The following ANO1 variants were observed in gnomAD, a reference collection of about 807,000 sequenced individuals.
ANO1 encodes anoctamin 1.
ANO1 carries 59 observed loss-of-function variants against 124.0 expected under a neutral mutation model. The ratio of observed to expected loss-of-function variants is 0.48; its 90% CI spans 0.39 to 0.59. ANO1 has a LOEUF of 0.59. Among genes scored for constraint, ANO1 ranks in the 20% least tolerant of loss-of-function variants. The pLI, the probability that ANO1 is intolerant of heterozygous loss-of-function variation, is 0.00. For synonymous variants in ANO1, 529 were observed against 532.0 expected (o/e 0.99, Z 0.08); for missense variants, 1,059 against 1,328.0 (o/e 0.80, Z 3.15).
At position 70,126,159 on chromosome 11, in the gene ANO1, T is replaced by C; in HGVS notation, c.1061T>C (p.Leu354Pro). 6.2e-7 allele frequency: 1 copy of C among 1,613,612 alleles called. No homozygotes were observed. The highest frequency in any genetic ancestry group is 1.1e-5 in the South Asian group (1 of 90,954). The change falls in exon 10 of 26, where the codon CTG becomes CCG. Residue 354 changes from leucine to proline, a missense_variant. Transcript: ENST00000355303. ...PASIVGIIVFLYGCATMDENI... is the reference protein window; with the variant it reads ...PASIVGIIVFPYGCATMDENI... ...TCCATCGTGGGAATCATTGTCTTCCTGTACGGATGCGCCACCATGGATGAA... is the reference window on the plus strand; with the variant it reads ...TCCATCGTGGGAATCATTGTCTTCCCGTACGGATGCGCCACCATGGATGAA...
chr11:70,029,975 C>T (rs1182852915), intron 1 of ANO1, among the ~76,000 whole-genome samples: 1 of 152,222 alleles, frequency 6.6e-6, no homozygotes, highest in African/African-American at 2.4e-5. Flanking sequence ...GTCAAGAGGG[C>T]ACTCCCCTCT....
chr11:70,102,169 G>C (rs1056094149), intron 2 of ANO1, among the ~76,000 whole-genome samples: 3 of 152,232 alleles, frequency 2.0e-5, no homozygotes, highest in African/African-American at 7.2e-5. Context: ...CCGATTAAGA[G>C]TGGGGAGTCA....
intron 19 of ANO1, among the ~76,000 whole-genome samples, chr11:70,164,995 T>A (rs1555049056): frequency 6.6e-6 from 1 of 152,100 alleles, no homozygotes; most frequent in Non-Finnish European, 1.5e-5. Context: ...CCCACAGACT[T>A]AAAGTAACAG....
intron 1 of ANO1, among the ~76,000 whole-genome samples, chr11:70,026,216 GTGA>G (rs1261181544): frequency 1.4e-5 from 2 of 146,930 alleles, no homozygotes; most frequent in African/African-American, 5.0e-5. Flanking sequence ...GGTGCTGATG[GTGA>G]TGATGACAGT....
rs957805055 is a variant in ANO1, at chr11:70,067,317, G to A, written c.59-11225G>A. On this transcript the variant is annotated intron_variant, in intron 1 of 27. Coordinates refer to the ANO1 transcript ENST00000531349. ...AGCAGCTCCAAGGGGACAAGGAATC[G>A]TGGGTGTTTTTTTTTTTTTTTTTTT... Among the ~76,000 whole-genome samples the A allele has an allele frequency of 9.3e-5, 13 of 140,434 alleles. No homozygotes were observed. The East Asian group carries it at 2.7e-3, about 29-fold the overall frequency. 92.1% of individuals were successfully genotyped at this position (140,434 alleles called of 152,430 possible).
intron 1 of ANO1, among the ~76,000 whole-genome samples, chr11:70,039,292 C>G (rs1555004783): frequency 6.6e-6 from 1 of 152,186 alleles, no homozygotes; most frequent in Admixed American, 6.5e-5. Context: ...TGATTAAGTA[C>G]TGTTGCTTTC....
intron 5 of ANO1, among the ~76,000 whole-genome samples, chr11:70,107,194 A>G (rs1404109753): frequency 1.3e-5 from 2 of 152,166 alleles, no homozygotes; most frequent in Non-Finnish European, 2.9e-5. Flanking sequence ...TCCTTCCTTC[A>G]TTCAGCAGGG....
intron 1 of ANO1, among the ~76,000 whole-genome samples, chr11:69,993,343 A>G (rs1194883151): frequency 6.6e-6 from 1 of 152,218 alleles, no homozygotes; most frequent in Non-Finnish European, 1.5e-5. Context: ...AAGTCTGAAC[A>G]TGGTGGAAAT....
rs569152581 is a variant in ANO1 at position 70,066,841 on chromosome 11, C to G, written c.59-11701C>G. Among the ~76,000 whole-genome samples the G allele has an allele frequency of 2.6e-5, 4 of 152,306 alleles. No homozygotes were observed. The East Asian group carries it at 7.7e-4, about 29-fold the overall frequency. ...ACCAGTCAGCCCCAGGAGGGACACT[C>G]TGCCCCGGCCTGGTTGCTGCCAGCC... is the stretch of plus-strand genomic sequence containing the variant. On this transcript the variant is annotated intron_variant, in intron 1 of 27. Transcript: ENST00000531349.
At chr11:70,026,876 T>G (rs1555003295) in intron 1 of ANO1, among the ~76,000 whole-genome samples, 1 of 152,190 alleles carries the variant, frequency 6.6e-6, no homozygotes, top group South Asian at 2.1e-4. Flanking sequence ...CCACCCACAC[T>G]GGCCACCTTA....
intron 1 of ANO1, among the ~76,000 whole-genome samples, chr11:70,036,018 A>G (rs1386984506): frequency 6.6e-6 from 1 of 152,224 alleles, no homozygotes; most frequent in Non-Finnish European, 1.5e-5. Flanking sequence ...AGAATTATTT[A>G]TCATCCTTTG....
chr11:70,164,070 G>A (rs1004394371), intron 19 of ANO1, among the ~76,000 whole-genome samples: 1 of 151,934 alleles, frequency 6.6e-6, no homozygotes, highest in Non-Finnish European at 1.5e-5. Context: ...TCTGCCCAGC[G>A]ATCCTGGCCA....
At position 70,131,330 on chromosome 11, in the gene ANO1, T is replaced by C. The variant is rs563980713; in HGVS notation, c.1098-589T>C. Among the ~76,000 whole-genome samples the C allele has an allele frequency of 3.8e-3, 566 of 150,214 alleles. 5 individuals are homozygous for C. The highest frequency in any genetic ancestry group is 0.013 in the African/African-American group (506 of 39,982). On this transcript the variant is annotated intron_variant, in intron 10 of 25. Coordinates refer to ENST00000355303, the MANE Select transcript of ANO1 (RefSeq NM_018043.7). The stretch of plus-strand genomic sequence containing the variant: ...GTGTGTGTGTGTGTGTGTGTGTGTG[T>C]GTGCGCGTCTGTGTTGAGATGGAGT...
chr11:70,036,712 A>G (rs930655882), intron 1 of ANO1, among the ~76,000 whole-genome samples: 32 of 152,178 alleles, frequency 2.1e-4, no homozygotes, highest in African/African-American at 7.0e-4. Flanking sequence ...GGTTCATGCC[A>G]TTCTCCTGCC....
chr11:70,088,840 TG>T (rs1468173669), intron 2 of ANO1, among the ~76,000 whole-genome samples: 1 of 152,234 alleles, frequency 6.6e-6, no homozygotes, highest in African/African-American at 2.4e-5. Context: ...AGCTGAGCCC[TG>T]GGAGTCGTTG....
At position 70,078,553 on chromosome 11, in the gene ANO1, G is replaced by T; in HGVS notation, c.-54G>T. 1 of 1,302,834 alleles carries T rather than the reference G, an allele frequency of 7.7e-7. No homozygotes were observed. The highest frequency in any genetic ancestry group is 1.0e-6 in the Non-Finnish European group (1 of 982,006). 80.7% of individuals were successfully genotyped at this position (1,302,834 alleles called of 1,614,324 possible). A position where few individuals can be genotyped will look rare whatever the true frequency, so the allele number is the denominator to read the frequency against. The stretch of plus-strand genomic sequence containing the variant: ...GTCTCCGCCCGCAGAGGCCGCCGGG[G>T]CCGTGGATGGGGAGGGCGCGCCGCC... On this transcript the variant is annotated 5_prime_UTR_variant, in exon 1 of 26. Transcript: ENST00000355303.
chr11:69,972,958 G>A, the ANO1 span, among the ~76,000 whole-genome samples: 12 of 147,978 alleles, frequency 8.1e-5, no homozygotes, highest in African/African-American at 3.0e-4. Context: ...TGCCCAGGCT[G>A]GAGTGCAATG....
intron 22 of ANO1, among the ~76,000 whole-genome samples, chr11:70,177,594 C>CTTTTTTTTTTTTTT (rs57647858): frequency 6.6e-4 from 52 of 78,898 alleles, no homozygotes; most frequent in East Asian, 1.2e-3. Context: ...TTTTTTTTTT[C>CTTTTTTTTTTTTTT]TTTTTTTTTT....
At chr11:70,027,904 G>A (rs571661344) in intron 1 of ANO1, among the ~76,000 whole-genome samples, 11 of 152,250 alleles carry the variant, frequency 7.2e-5, no homozygotes, top group East Asian at 3.9e-4. Flanking sequence ...AAAGATCTTC[G>A]TCTGTAGAAA....
Sources: gnomAD v4.1 joint callset for allele counts (sites outside exome capture counted in the v4.1 genomes callset) on GRCh38, gnomAD v4.1.1 for gene constraint, MANE v1.5 for transcripts, NCBI Gene and HGNC (gene_info 2026-07-23, HGNC 2026-07-21) for gene names.